The following JAZF1 variants were observed in gnomAD, a reference collection of about 807,000 sequenced individuals.
JAZF1 encodes the protein juxtaposed with another zinc finger protein 1.
Under a neutral mutation model 26.4 loss-of-function variants are expected in JAZF1, and 8 were observed. The ratio of observed to expected loss-of-function variants is 0.30; its 90% CI spans 0.18 to 0.55. The LOEUF (loss-of-function observed/expected upper bound fraction) is 0.55, where lower values mean the gene tolerates loss of function less well. JAZF1 is among the 20% of genes least tolerant of loss of function. JAZF1 has a pLI of 0.94. For synonymous variants in JAZF1, 126 were observed against 122.3 expected (o/e 1.03, Z -0.20); for missense variants, 199 against 322.0 (o/e 0.62, Z 2.92).
chr7:27,937,671 G>C (rs1784779490), intron 2 of JAZF1, among the ~76,000 whole-genome samples: 1 of 152,164 alleles, frequency 6.6e-6, no homozygotes, highest in South Asian at 2.1e-4. Context: ...TGGTTTTATG[G>C]ATGGATGTAT....
chr7:28,049,072 C>CCTCTCTCTCTCTCTCTCTCT (rs1182638919), intron 1 of JAZF1, among the ~76,000 whole-genome samples: 8 of 113,602 alleles, frequency 7.0e-5, no homozygotes, highest in African/African-American at 2.7e-4. Context: ...TCCCTCCCTT[C>CCTCTCTCTCTCTCTCTCTCT]CTCTCTCTCT....
chr7:27,932,757 T>C (rs1333924276), intron 2 of JAZF1, among the ~76,000 whole-genome samples: 1 of 152,248 alleles, frequency 6.6e-6, no homozygotes, highest in Non-Finnish European at 1.5e-5. Context: ...CTCACACTCC[T>C]GCAAACCTAT....
At chr7:28,101,279 G>T (rs771566833) in intron 1 of JAZF1, among the ~76,000 whole-genome samples, 1 of 152,090 alleles carries the variant, frequency 6.6e-6, no homozygotes, top group Non-Finnish European at 1.5e-5. Context: ...TTTAGCTCTT[G>T]CTGTATACCA....
At chr7:28,027,230 G>C (rs951627155) in intron 1 of JAZF1, among the ~76,000 whole-genome samples, 6 of 152,188 alleles carry the variant, frequency 3.9e-5, no homozygotes, top group Non-Finnish European at 8.8e-5. Context: ...AAGGGTTGTT[G>C]CTTCCACGGT....
chr7:28,160,474 C>T (rs1382873685), intron 1 of JAZF1, among the ~76,000 whole-genome samples: 1 of 152,136 alleles, frequency 6.6e-6, no homozygotes, highest in African/African-American at 2.4e-5. Flanking sequence ...AAGGGCCTGG[C>T]ACACGGTAGG....
intron 1 of JAZF1, among the ~76,000 whole-genome samples, chr7:28,042,185 A>T (rs1316452311): frequency 6.6e-6 from 1 of 152,238 alleles, no homozygotes; most frequent in African/African-American, 2.4e-5. Context: ...AAAGAGATGG[A>T]GCCAACTGTG....
At chr7:27,979,260 A>T (rs559436714) in intron 2 of JAZF1, among the ~76,000 whole-genome samples, 2 of 150,378 alleles carry the variant, frequency 1.3e-5, no homozygotes, top group African/African-American at 2.4e-5. Flanking sequence ...CTATATATAT[A>T]TTTTTAAGGT....
intron 1 of JAZF1, among the ~76,000 whole-genome samples, chr7:28,051,177 GT>G (rs201644492): frequency 8.9e-5 from 9 of 101,168 alleles, no homozygotes; most frequent in East Asian, 2.4e-4. Context: ...TACTATAACT[GT>G]TTTTTTTTAA....
At chr7:27,860,461 C>A (rs1266954745) in intron 3 of JAZF1, among the ~76,000 whole-genome samples, 2 of 152,184 alleles carry the variant, frequency 1.3e-5, no homozygotes, top group African/African-American at 4.8e-5. Flanking sequence ...ACCATCTCCA[C>A]AACCTCTGTT....
Position 27,931,435 on chromosome 7 carries a change from C to G in JAZF1, c.189-36019G>C, listed in dbSNP as rs183427681. Among the ~76,000 whole-genome samples, 325 of 152,284 alleles carry G rather than the reference C, an allele frequency of 2.1e-3. 2 individuals are homozygous for G. Among genetic ancestry groups the G allele is most frequent in the African/African-American group, 7.5e-3 (310 of 41,544 alleles). On this transcript the variant is annotated intron_variant, in intron 2 of 4. Transcript: ENST00000283928. ...ACATAACAAAACAAAAAACACAGGA[C>G]TATTACATTACAAGAATAAACTCTG...
intron 3 of JAZF1, among the ~76,000 whole-genome samples, chr7:27,858,637 TCC>T (rs1783317539): frequency 6.6e-6 from 1 of 152,204 alleles, no homozygotes; most frequent in African/African-American, 2.4e-5. Context: ...GGGAAAGGAT[TCC>T]CTATTTAATA....
intron 1 of JAZF1, among the ~76,000 whole-genome samples, chr7:28,068,008 G>C (rs1222380812): frequency 6.6e-6 from 1 of 152,104 alleles, no homozygotes; most frequent in East Asian, 1.9e-4. Context: ...CCACCTCCCG[G>C]GTTCAAGTGA....
intron 1 of JAZF1, among the ~76,000 whole-genome samples, chr7:28,003,435 C>T (rs1357083750): frequency 3.3e-5 from 5 of 152,014 alleles, no homozygotes; most frequent in Non-Finnish European, 5.9e-5. Context: ...TATTAGTGGG[C>T]AATAATGAAG....
At chr7:27,862,396 C>T (rs777725877) in intron 3 of JAZF1, among the ~76,000 whole-genome samples, 9 of 152,014 alleles carry the variant, frequency 5.9e-5, no homozygotes, top group South Asian at 2.1e-4. Context: ...CTACTGCTGC[C>T]GTCTTTATGT....
intron 2 of JAZF1, among the ~76,000 whole-genome samples, chr7:27,964,341 A>C (rs1785236054): frequency 6.6e-6 from 1 of 152,170 alleles, no homozygotes; most frequent in Non-Finnish European, 1.5e-5. Flanking sequence ...GTAAGCAGCC[A>C]TCATGACGAA....
In JAZF1 at chr7:28,174,821, G is replaced by GGTGTGTGTGTGTGTGTGTGTGT. The variant is rs58952216; in HGVS notation, c.115+5620_115+5641dup. On this transcript the variant is annotated intron_variant, in intron 1 of 4. Coordinates refer to ENST00000283928, the MANE Select transcript of JAZF1 (RefSeq NM_175061.4). Reference sequence around the variant, plus strand: ...CCTGATCCTGCCTATGGGGTGTGTGGGTGTGTGTGTGTGTGTGTGTGTGTG... The same window carrying GGTGTGTGTGTGTGTGTGTGTGT: ...CCTGATCCTGCCTATGGGGTGTGTGGGTGTGTGTGTGTGTGTGTGTGTGTGTGTGTGTGTGTGTGTGTGTGTG... Among the ~76,000 whole-genome samples the GGTGTGTGTGTGTGTGTGTGTGT allele has an allele frequency of 6.6e-4, 71 of 107,788 alleles. 4 individuals are homozygous for GGTGTGTGTGTGTGTGTGTGTGT. Among genetic ancestry groups the GGTGTGTGTGTGTGTGTGTGTGT allele is most frequent in the African/African-American group, 1.8e-3 (64 of 35,862 alleles). 70.7% of individuals were successfully genotyped at this position (107,788 alleles called of 152,430 possible).
intron 1 of JAZF1, among the ~76,000 whole-genome samples, chr7:28,001,277 G>A (rs951768264): frequency 2.6e-5 from 4 of 151,950 alleles, no homozygotes; most frequent in Non-Finnish European, 4.4e-5. Flanking sequence ...GTTTGAACAC[G>A]GGAGATAGAG....
chr7:27,952,050 T>C lies in JAZF1; in HGVS notation c.188+39859A>G, dbSNP rs547711316. 2.6e-5 allele frequency among the ~76,000 whole-genome samples: 4 copies of C among 152,190 alleles called. No individual in the cohort carries two copies. In the South Asian group the frequency reaches 8.3e-4, roughly 32 times the overall value. On this transcript the variant is annotated intron_variant, in intron 2 of 4. Coordinates refer to ENST00000283928, the MANE Select transcript of JAZF1 (RefSeq NM_175061.4). ...AGAAACTGGTTAATGACTAGGCAGG[T>C]GGGGTGGGCACTCAGAGCAGCTGTG...
chr7:28,080,186 C>T (rs1251165532), intron 1 of JAZF1, among the ~76,000 whole-genome samples: 2 of 152,198 alleles, frequency 1.3e-5, no homozygotes, highest in Admixed American at 6.5e-5. Flanking sequence ...GCTTAGTTTC[C>T]TAAACTTCAT....
Sources: allele counts gnomAD v4.1 joint callset (sites outside exome capture counted in the v4.1 genomes callset), GRCh38; gene constraint gnomAD v4.1.1; transcripts MANE v1.5; gene names NCBI Gene and HGNC (gene_info 2026-07-23, HGNC 2026-07-21).